SHC3: variants seen among roughly 807,000 people sequenced by gnomAD.
SHC3 encodes SHC adaptor protein 3, also known as SHC-transforming protein 3.
A neutral mutation model predicts 60.4 loss-of-function variants in SHC3; 15 were observed. That is an observed-to-expected ratio of 0.25 (90% confidence interval 0.17 to 0.38). The LOEUF is 0.38. Ranked by LOEUF, SHC3 falls within the 10% of genes least tolerant of loss-of-function variation. The pLI is 1.00. For missense variants in SHC3, 677 were observed against 786.1 expected (o/e 0.86, Z 1.66); for synonymous variants, 294 against 325.9 (o/e 0.90, Z 1.05).
At chr9:89,124,796 C>G (rs1301901172) in intron 1 of SHC3, among the ~76,000 whole-genome samples, 1 of 151,760 alleles carries the variant, frequency 6.6e-6, no homozygotes, top group East Asian at 1.9e-4. Flanking sequence ...TGGCACATGT[C>G]TACCTATGTG....
At chr9:89,070,283 C>T (rs1825248927) in intron 5 of SHC3, among the ~76,000 whole-genome samples, 1 of 152,102 alleles carries the variant, frequency 6.6e-6, no homozygotes. Flanking sequence ...GAAACTTTAC[C>T]CAGACGCATA....
intron 5 of SHC3, among the ~76,000 whole-genome samples, chr9:89,065,802 G>T (rs773920620): frequency 1.3e-5 from 2 of 152,082 alleles, no homozygotes; most frequent in Non-Finnish European, 2.9e-5. Flanking sequence ...AGCAGGTCAG[G>T]GGTAGGGTCT....
At chr9:89,027,953 C>T (rs1826349004) in intron 11 of SHC3, among the ~76,000 whole-genome samples, 1 of 152,180 alleles carries the variant, frequency 6.6e-6, no homozygotes, top group African/African-American at 2.4e-5. Flanking sequence ...GCTCCCAACT[C>T]CTTACAGACA....
At chr9:89,067,359 T>A (rs1444303650) in intron 5 of SHC3, among the ~76,000 whole-genome samples, 2 of 152,224 alleles carry the variant, frequency 1.3e-5, no homozygotes, top group African/African-American at 4.8e-5. Context: ...GTGTTTGAGG[T>A]GGCACCAGCA....
chr9:89,147,450 T>C (rs1467825322), intron 1 of SHC3, among the ~76,000 whole-genome samples: 1 of 152,112 alleles, frequency 6.6e-6, no homozygotes, highest in Non-Finnish European at 1.5e-5. Context: ...CCCCTTCCAT[T>C]TCTGCATATG....
At chr9:89,062,377 CT>C (rs1380758524) in intron 6 of SHC3, among the ~76,000 whole-genome samples, 1 of 152,194 alleles carries the variant, frequency 6.6e-6, no homozygotes. Flanking sequence ...ACCCTTATCT[CT>C]TTGAGATGGT....
At chr9:89,079,078 A>C (rs1587714760) in intron 2 of SHC3, among the ~76,000 whole-genome samples, 1 of 152,188 alleles carries the variant, frequency 6.6e-6, no homozygotes, top group East Asian at 1.9e-4. Flanking sequence ...GGAAGGAAAC[A>C]TTTTCCTAAA....
intron 1 of SHC3, among the ~76,000 whole-genome samples, chr9:89,175,589 A>G (rs1288063062): frequency 1.3e-5 from 2 of 152,206 alleles, no homozygotes; most frequent in African/African-American, 4.8e-5. Flanking sequence ...GAGGGGGAAA[A>G]TCTATAATAC....
At chr9:89,027,568 G>A (rs28446485) in intron 11 of SHC3, among the ~76,000 whole-genome samples, 57,916 of 148,354 alleles carry the variant, frequency 0.39, 12,934 homozygotes, top group East Asian at 0.97. Context: ...CGCCCGCCTA[G>A]GCCTCCCAAA....
chr9:89,070,311 T>A (rs999591138), intron 5 of SHC3, among the ~76,000 whole-genome samples: 1 of 152,196 alleles, frequency 6.6e-6, no homozygotes, highest in African/African-American at 2.4e-5. Context: ...AGATGAGAAC[T>A]TTCCGGAGGG....
chr9:89,026,267 A>C (rs1054195240), intron 11 of SHC3, among the ~76,000 whole-genome samples: 93 of 151,906 alleles, frequency 6.1e-4, no homozygotes, highest in African/African-American at 2.0e-3. Context: ...AAAAAAAAAA[A>C]AAAAAAACAA....
chr9:89,167,033 G>A (rs969350349), intron 1 of SHC3, among the ~76,000 whole-genome samples: 1 of 152,068 alleles, frequency 6.6e-6, no homozygotes, highest in African/African-American at 2.4e-5. Context: ...CACGAAAGCT[G>A]GCAAAACTTC....
rs1826973188 is a variant in SHC3, at chr9:89,178,181, C to G, written c.280G>C (p.Ala94Pro). The G allele has an allele frequency of 7.5e-7, 1 of 1,326,828 alleles. No individual in the cohort carries two copies. Among genetic ancestry groups the G allele is most frequent in the Non-Finnish European group, 9.6e-7 (1 of 1,040,546 alleles). The allele number at this position is 1,326,828 out of a possible 1,614,324, so 82.2% of individuals were successfully genotyped here. A position where few individuals can be genotyped will look rare whatever the true frequency, so the allele number is the denominator to read the frequency against. The change falls in exon 1 of 12, where the codon GCG (alanine) becomes CCG (proline). Residue 94 changes from alanine to proline, a missense_variant. Physicochemically the swap from Ala to Pro is conservative, Grantham distance 27. Coordinates refer to ENST00000375835, the MANE Select transcript of SHC3 (RefSeq NM_016848.6). The surrounding 1 kb of genome is among the most constrained non-coding windows in gnomAD (Gnocchi z 6.9). ...GCGCTGCAGCTGCCCGAGAGCCGCGCGCCCGCCCGCTCCCGGGCGGCCGAC... is the reference window on the plus strand; with the variant it reads ...GCGCTGCAGCTGCCCGAGAGCCGCGGGCCCGCCCGCTCCCGGGCGGCCGAC... ...LSSAARERAG[A>P]RLSGSCSAPS...
chr9:89,043,510 C>T (rs1319075434), intron 9 of SHC3, among the ~76,000 whole-genome samples: 1 of 152,182 alleles, frequency 6.6e-6, no homozygotes, highest in Non-Finnish European at 1.5e-5. Flanking sequence ...CCTTTCCCAC[C>T]ATAGATGACA....
rs1409265394 is a variant in SHC3 at position 89,043,105 on chromosome 9, C to A, written c.1202-921G>T. On this transcript the variant is annotated intron_variant, in intron 9 of 11. Transcript: ENST00000375835. Reference sequence around the variant, plus strand: ...TCTGGAAAGAGGGTGTCTTTCATACCCTATGGGCGGTGGTGTGTTGAAGCC... The same window carrying A: ...TCTGGAAAGAGGGTGTCTTTCATACACTATGGGCGGTGGTGTGTTGAAGCC... Among the ~76,000 whole-genome samples, 3 of 152,114 alleles carry A rather than the reference C, an allele frequency of 2.0e-5. No homozygotes were observed. In the East Asian group the frequency reaches 5.8e-4, roughly 29 times the overall value.
chr9:89,133,987 C>T (rs1033499044), intron 1 of SHC3, among the ~76,000 whole-genome samples: 1 of 152,034 alleles, frequency 6.6e-6, no homozygotes, highest in African/African-American at 2.4e-5. Context: ...GTGCCATGCC[C>T]CTTAGCCATG....
chr9:89,092,529 A>G (rs1374542593), intron 2 of SHC3, among the ~76,000 whole-genome samples: 1 of 149,828 alleles, frequency 6.7e-6, no homozygotes, highest in African/African-American at 2.5e-5. Context: ...AGGCAGGAGA[A>G]TGGTGTGAAC....
intron 1 of SHC3, among the ~76,000 whole-genome samples, chr9:89,160,026 T>C (rs1468178931): frequency 6.6e-6 from 1 of 152,214 alleles, no homozygotes; most frequent in East Asian, 1.9e-4. Flanking sequence ...GGTCACTTCA[T>C]CTAATAGGGA....
chr9:89,084,616 T>C (rs1825499032), intron 2 of SHC3, among the ~76,000 whole-genome samples: 1 of 152,232 alleles, frequency 6.6e-6, no homozygotes, highest in Admixed American at 6.5e-5. Flanking sequence ...GCTTTATTCT[T>C]ATAAACACTT....
Sources: allele counts gnomAD v4.1 joint callset (sites outside exome capture counted in the v4.1 genomes callset), GRCh38; gene constraint gnomAD v4.1.1; non-coding constraint Gnocchi (gnomAD v3.1); transcripts MANE v1.5; gene names NCBI Gene and HGNC (gene_info 2026-07-23, HGNC 2026-07-21).